Variants in INPP5D observed in about 807,000 individuals in gnomAD.
The protein encoded by INPP5D is phosphatidylinositol 3,4,5-trisphosphate 5-phosphatase 1.
Under a neutral mutation model 122.9 loss-of-function variants are expected in INPP5D, and 33 were observed. That is an observed-to-expected ratio of 0.27 (90% CI 0.20 to 0.36). The LOEUF is 0.36. Among genes scored for constraint, INPP5D ranks in the 10% least tolerant of loss-of-function variants. INPP5D has a pLI of 1.00. For missense variants in INPP5D, 1,053 were observed against 1,412.7 expected (o/e 0.75, Z 4.08); for synonymous variants, 584 against 576.2 (o/e 1.01, Z -0.19).
At position 233,078,481 on chromosome 2, in the gene INPP5D, C is replaced by G. The variant is rs193231908; in HGVS notation, c.135-854C>G. On this transcript the variant is annotated intron_variant, in intron 1 of 26. Transcript: ENST00000445964. The surrounding 1 kb of genome is among the most constrained non-coding windows in gnomAD (Gnocchi z 4.6). Reference sequence around the variant, plus strand: ...TGGCCAACCCCTGGGAGATAATCCACGGGGCATAGTGTCCAAGAGGATGAA... The same window carrying G: ...TGGCCAACCCCTGGGAGATAATCCAGGGGGCATAGTGTCCAAGAGGATGAA... Among the ~76,000 whole-genome samples the G allele has an allele frequency of 1.7e-3, 256 of 152,248 alleles. No individual in the cohort carries two copies. Among genetic ancestry groups the G allele is most frequent in the Middle Eastern group, 6.8e-3 (2 of 294 alleles).
At chr2:233,067,246 A>G (rs948969770) in intron 1 of INPP5D, among the ~76,000 whole-genome samples, 2 of 152,154 alleles carry the variant, frequency 1.3e-5, no homozygotes, top group Non-Finnish European at 2.9e-5. Context: ...CAACTAAATG[A>G]CTTTTTGTCT....
intron 21 of INPP5D, 106 bp downstream of exon 21, chr2:233,186,031 A>G (rs867894271): frequency 2.1e-5 from 28 of 1,347,438 alleles, no homozygotes; most frequent in African/African-American, 1.5e-5. Context: ...GGAAGCAGGA[A>G]TCTCATAGAC....
At chr2:233,178,167 C>T (rs1409831265) in intron 18 of INPP5D, among the ~76,000 whole-genome samples, 5 of 152,088 alleles carry the variant, frequency 3.3e-5, no homozygotes, top group Admixed American at 6.6e-5. Flanking sequence ...CACTGTGCCA[C>T]GTACCTATAG....
intron 9 of INPP5D, among the ~76,000 whole-genome samples, chr2:233,149,676 A>T (rs1693873265): frequency 6.6e-6 from 1 of 152,092 alleles, no homozygotes; most frequent in Non-Finnish European, 1.5e-5. Flanking sequence ...TGCATCCTGA[A>T]CCCCACTGAT....
At position 233,189,431 on chromosome 2, in the gene INPP5D, G is replaced by A. The variant is rs1212297885; in HGVS notation, c.2359-419G>A. 6.6e-6 allele frequency among the ~76,000 whole-genome samples: 1 copy of A among 152,196 alleles called. No individual in the cohort carries two copies. On this transcript the variant is annotated intron_variant, in intron 21 of 26. Transcript: ENST00000445964. The surrounding 1 kb of genome is among the most constrained non-coding windows in gnomAD (Gnocchi z 5.6). ...CCAAGGAGAAATTCTGTGCTCTGTAGGGGGAGCCTGGCGCAGGGTGGAGTG... is the reference window on the plus strand; with the variant it reads ...CCAAGGAGAAATTCTGTGCTCTGTAAGGGGAGCCTGGCGCAGGGTGGAGTG...
intron 5 of INPP5D, among the ~76,000 whole-genome samples, chr2:233,139,003 C>G (rs181340802): frequency 6.6e-6 from 1 of 151,948 alleles, no homozygotes; most frequent in African/African-American, 2.4e-5. Flanking sequence ...ATCCGCCTGC[C>G]TCAGCCTCCT....
intron 6 of INPP5D, among the ~76,000 whole-genome samples, chr2:233,145,482 T>C (rs1398934883): frequency 6.6e-6 from 1 of 152,158 alleles, no homozygotes; most frequent in Non-Finnish European, 1.5e-5. Context: ...CTCGTGGTGA[T>C]TGAAATGGAA....
intron 17 of INPP5D, among the ~76,000 whole-genome samples, chr2:233,175,828 A>T (rs1694610075): frequency 6.6e-6 from 1 of 151,930 alleles, no homozygotes; most frequent in African/African-American, 2.4e-5. Flanking sequence ...GATTACAGGC[A>T]TGCGCCACCA....
At chr2:233,073,412 G>T (rs1447639907) in intron 1 of INPP5D, among the ~76,000 whole-genome samples, 12 of 152,108 alleles carry the variant, frequency 7.9e-5, no homozygotes, top group Admixed American at 3.3e-4. Flanking sequence ...GGCTGAAGCA[G>T]GCGGATCACC....
intron 9 of INPP5D, among the ~76,000 whole-genome samples, chr2:233,152,013 G>A (rs1693936438): frequency 6.6e-6 from 1 of 152,230 alleles, no homozygotes; most frequent in African/African-American, 2.4e-5. Flanking sequence ...TTGGTGCTGA[G>A]AGGCAGTGTG....
Position 233,193,792 on chromosome 2 carries a change from G to C in INPP5D, c.2447-20G>C. On this transcript the variant is annotated intron_variant, in intron 22 of 26. Transcript: ENST00000445964. ...GAAAAGGCAGGGTCTTCACCCAGCT[G>C]TCTCCCACTTTCCCTGCAGGCGAGG... 6.2e-7 allele frequency: 1 copy of C among 1,613,810 alleles called. No individual in the cohort carries two copies. The highest frequency in any genetic ancestry group is 8.5e-7 in the Non-Finnish European group (1 of 1,179,892).
intron 21 of INPP5D, among the ~76,000 whole-genome samples, chr2:233,187,269 CTTA>C (rs2106318008): frequency 6.6e-6 from 1 of 152,168 alleles, no homozygotes; most frequent in South Asian, 2.1e-4. Context: ...CGAGTACAAG[CTTA>C]TTATGAGCTT....
chr2:233,174,049 A>G (rs1051671927), intron 17 of INPP5D, among the ~76,000 whole-genome samples: 4 of 152,260 alleles, frequency 2.6e-5, no homozygotes, highest in Non-Finnish European at 5.9e-5. Flanking sequence ...CCTCGGGGCA[A>G]TAACATGGAG....
At chr2:233,163,312 C>T (rs1694242958) in intron 11 of INPP5D, among the ~76,000 whole-genome samples, 1 of 152,154 alleles carries the variant, frequency 6.6e-6, no homozygotes, top group Admixed American at 6.5e-5. Context: ...TTTGTTGTCT[C>T]CCAACAATGG....
intron 2 of INPP5D, among the ~76,000 whole-genome samples, chr2:233,101,631 ATAT>A (rs974984827): frequency 4.8e-5 from 7 of 145,616 alleles, no homozygotes; most frequent in Middle Eastern, 3.6e-3. Flanking sequence ...ATTATATATT[ATAT>A]TATTATTAAA....
In INPP5D at chr2:233,072,977, A is replaced by G. The variant is rs564265967; in HGVS notation, c.135-6358A>G. On this transcript the variant is annotated intron_variant, in intron 1 of 26. Transcript: ENST00000445964. ...CAGTGGCCAGAGCTGTGTCACCAGA[A>G]CCTGGCAGGGCTGCAGCTAGGAGAC... Among the ~76,000 whole-genome samples, 96 of 152,144 alleles carry G rather than the reference A, an allele frequency of 6.3e-4. 1 individual carries two copies. The highest frequency in any genetic ancestry group is 7.1e-4 in the Non-Finnish European group (48 of 68,012).
At chr2:233,120,214 T>G (rs910263541) in intron 2 of INPP5D, among the ~76,000 whole-genome samples, 1 of 152,234 alleles carries the variant, frequency 6.6e-6, no homozygotes, top group Admixed American at 6.5e-5. Context: ...CTGGGTGTGG[T>G]GGCTTACACC....
chr2:233,198,540 G>A (rs1022919519), intron 25 of INPP5D, among the ~76,000 whole-genome samples, 164 bp downstream of exon 25: 2 of 152,238 alleles, frequency 1.3e-5, no homozygotes, highest in East Asian at 3.8e-4. Flanking sequence ...TGACATGTAT[G>A]TGGAGTCTTC....
Position 233,105,297 on chromosome 2 carries a change from A to G in INPP5D, c.199-16810A>G, listed in dbSNP as rs1470540249. Among the ~76,000 whole-genome samples the G allele has an allele frequency of 6.6e-6, 1 of 152,168 alleles. No homozygotes were observed. The highest frequency in any genetic ancestry group is 1.5e-5 in the Non-Finnish European group (1 of 68,016). On this transcript the variant is annotated intron_variant, in intron 2 of 26. Transcript: ENST00000445964. This position sits in a 1 kb window ranked among gnomAD's most constrained non-coding sequence, Gnocchi z 4.0. ...GCTATGGTTGGAAACCGTCATTTCTATCTACACCTGTGCTTTGCCAGTGCC... is the reference window on the plus strand; with the variant it reads ...GCTATGGTTGGAAACCGTCATTTCTGTCTACACCTGTGCTTTGCCAGTGCC...
Sources: gnomAD v4.1 joint callset for allele counts (sites outside exome capture counted in the v4.1 genomes callset) on GRCh38, gnomAD v4.1.1 for gene constraint, Gnocchi (gnomAD v3.1) non-coding constraint, MANE v1.5 for transcripts, NCBI Gene and HGNC (gene_info 2026-07-23, HGNC 2026-07-21) for gene names.